The following UBE2E1 variants were observed in gnomAD, a reference collection of about 807,000 sequenced individuals.
The protein encoded by UBE2E1 is ubiquitin conjugating enzyme E2 E1.
A neutral mutation model predicts 21.4 loss-of-function variants in UBE2E1; 6 were observed. The ratio of observed to expected loss-of-function variants is 0.28; its 90% CI spans 0.15 to 0.55. UBE2E1 has a LOEUF of 0.55. Among genes scored for constraint, UBE2E1 ranks in the 20% least tolerant of loss-of-function variants. The probability of loss-of-function intolerance (pLI) is 0.93; values close to 1 mark genes in which losing one functional copy is unlikely to be tolerated. For synonymous variants in UBE2E1, 87 were observed against 82.7 expected, an observed-to-expected ratio of 1.05 and a Z score of -0.28; for missense variants, 142 against 236.5, an observed-to-expected ratio of 0.60 and a Z score of 2.62.
In UBE2E1 at chr3:23,863,481, A is replaced by G. The variant is rs1006249367; in HGVS notation, c.204-24086A>G. On this transcript the variant is annotated intron_variant, in intron 3 of 5. Transcript: ENST00000306627. The surrounding 1 kb of genome is among the most constrained non-coding windows in gnomAD (Gnocchi z 4.3). The stretch of plus-strand genomic sequence containing the variant: ...ACCCCAGATGCCTTCACAATTATCT[A>G]AAAGTCCTCAAAAGACATTCAGATG... 7.2e-5 allele frequency among the ~76,000 whole-genome samples: 11 copies of G among 152,278 alleles called. No individual in the cohort carries two copies. Among genetic ancestry groups the G allele is most frequent in the African/African-American group, 2.2e-4 (9 of 41,548 alleles).
At chr3:23,854,582 T>G (rs1700396974) in intron 3 of UBE2E1, among the ~76,000 whole-genome samples, 1 of 152,200 alleles carries the variant, frequency 6.6e-6, no homozygotes, top group Non-Finnish European at 1.5e-5. Context: ...GAGTCAGGTA[T>G]CTATACTTGT....
chr3:23,815,643 G>GTTTT (rs1699498821), intron 3 of UBE2E1, among the ~76,000 whole-genome samples: 1 of 152,166 alleles, frequency 6.6e-6, no homozygotes. Flanking sequence ...GGTTCACAAT[G>GTTTT]GAAAGAGATC....
chr3:23,807,527 A>G (rs879106394), intron 2 of UBE2E1, 106 bp downstream of exon 2: 2 of 1,379,812 alleles, frequency 1.4e-6, no homozygotes, highest in South Asian at 3.4e-5. Context: ...CTCATGGTTT[A>G]TGTGTTCTTA....
chr3:23,862,211 T>G (rs1700574293), intron 3 of UBE2E1, among the ~76,000 whole-genome samples: 2 of 152,052 alleles, frequency 1.3e-5, no homozygotes, highest in Admixed American at 1.3e-4. Context: ...TGCAAAGCTA[T>G]TAAAATCTGA....
chr3:23,879,770 A>G (rs1700995220), intron 3 of UBE2E1, among the ~76,000 whole-genome samples: 1 of 152,214 alleles, frequency 6.6e-6, no homozygotes, highest in Admixed American at 6.5e-5. Flanking sequence ...TAGCATGCTT[A>G]TCTTCCTATC....
intron 3 of UBE2E1, among the ~76,000 whole-genome samples, chr3:23,881,990 C>T (rs1027195937): frequency 6.6e-6 from 1 of 152,160 alleles, no homozygotes; most frequent in Non-Finnish European, 1.5e-5. Context: ...CGTGGTTTTG[C>T]TGGCCTCAGG....
chr3:23,829,290 A>G (rs1438422058), intron 3 of UBE2E1, among the ~76,000 whole-genome samples: 1 of 149,086 alleles, frequency 6.7e-6, no homozygotes, highest in Non-Finnish European at 1.5e-5. Flanking sequence ...CCTCCTAAGT[A>G]GCTGGGACAA....
intron 3 of UBE2E1, among the ~76,000 whole-genome samples, chr3:23,818,547 A>T (rs369775900): frequency 6.6e-6 from 1 of 152,286 alleles, no homozygotes; most frequent in African/African-American, 2.4e-5. Context: ...CTTCACCGTG[A>T]TTCCTCAGCA....
intron 3 of UBE2E1, among the ~76,000 whole-genome samples, chr3:23,845,577 C>CTG (rs1337437844): frequency 1.2e-4 from 7 of 58,906 alleles, no homozygotes; most frequent in Non-Finnish European, 2.3e-4. Flanking sequence ...CTCTCTCTCT[C>CTG]TCTCTCTCTC....
rs189228628 is a variant in UBE2E1 at position 23,871,028 on chromosome 3, A to T, written c.204-16539A>T. 5.2e-3 allele frequency among the ~76,000 whole-genome samples: 798 copies of T among 152,280 alleles called. 1 individual carries two copies. The highest frequency in any genetic ancestry group is 8.6e-3 in the Non-Finnish European group (583 of 68,012). On this transcript the variant is annotated intron_variant, in intron 3 of 5. Transcript: ENST00000306627. Reference sequence around the variant, plus strand: ...CAGATCAACAGGATCCCAAGGCAGAAGAATTTTTCTTAGTACAGAACAAAA... The same window carrying T: ...CAGATCAACAGGATCCCAAGGCAGATGAATTTTTCTTAGTACAGAACAAAA...
In UBE2E1 at chr3:23,847,994, T is replaced by C. The variant is rs1433870414; in HGVS notation, c.203+36484T>C. ...TACACCCCTTTCCCCTACCTCCTTT[T>C]TTAAATAAACACAAATGGTAACTTG... On this transcript the variant is annotated intron_variant, in intron 3 of 5. Coordinates refer to ENST00000306627, the MANE Select transcript of UBE2E1 (RefSeq NM_003341.5). Among the ~76,000 whole-genome samples, 5 of 152,230 alleles carry C rather than the reference T, an allele frequency of 3.3e-5. No homozygotes were observed. In the East Asian group the frequency reaches 9.6e-4, roughly 29 times the overall value.
chr3:23,854,701 C>G lies in UBE2E1; in HGVS notation c.204-32866C>G, dbSNP rs142877013. 7.2e-5 allele frequency among the ~76,000 whole-genome samples: 11 copies of G among 152,264 alleles called. No homozygotes were observed. In the South Asian group the frequency reaches 1.9e-3, roughly 26 times the overall value. ...GTCTTATTAATGGACAGTAAAAGGA[C>G]AATAACTTTTGTGTGTGCTCTTGGA... On this transcript the variant is annotated intron_variant, in intron 3 of 5. Transcript: ENST00000306627.
At position 23,813,833 on chromosome 3, in the gene UBE2E1, A is replaced by C. The variant is rs1372588366; in HGVS notation, c.203+2323A>C. Among the ~76,000 whole-genome samples, 2 of 152,298 alleles carry C rather than the reference A, an allele frequency of 1.3e-5. 1 individual carries two copies. Among genetic ancestry groups the C allele is most frequent in the African/African-American group, 4.8e-5 (2 of 41,560 alleles). ...TGGGGTTACGGGCGTGAGCCACTGCACCTGGCCTTGGGGATACTTTTTGAA... is the reference window on the plus strand; with the variant it reads ...TGGGGTTACGGGCGTGAGCCACTGCCCCTGGCCTTGGGGATACTTTTTGAA... On this transcript the variant is annotated intron_variant, in intron 3 of 5. Coordinates refer to ENST00000306627, the MANE Select transcript of UBE2E1 (RefSeq NM_003341.5).
chr3:23,891,525 A>C lies in UBE2E1; in HGVS notation c.*919A>C, dbSNP rs1701467030. ...ATAATCTACCCCATTTAGGCTTCAA[A>C]GACGAACCCTACTGCATCTTTTTAA... On this transcript the variant is annotated 3_prime_UTR_variant, in exon 6 of 6. Transcript: ENST00000306627. The C allele has an allele frequency of 6.6e-6, 1 of 152,230 alleles. No individual in the cohort carries two copies. Among genetic ancestry groups the C allele is most frequent in the Non-Finnish European group, 1.5e-5 (1 of 68,030 alleles). 9.4% of individuals were successfully genotyped at this position (152,230 alleles called of 1,614,324 possible). A position where few individuals can be genotyped will look rare whatever the true frequency, so the allele number is the denominator to read the frequency against.
At chr3:23,885,971 A>G (rs560936234) in intron 3 of UBE2E1, among the ~76,000 whole-genome samples, 17 of 152,204 alleles carry the variant, frequency 1.1e-4, no homozygotes, top group African/African-American at 1.2e-4. Context: ...CTGAGGTAGG[A>G]GGATTGCTTG....
intron 3 of UBE2E1, chr3:23,866,369 G>A (rs1435619987): frequency 6.6e-6 from 1 of 152,224 alleles, no homozygotes; most frequent in East Asian, 1.9e-4. Flanking sequence ...TTCAGTGCAG[G>A]TCATTCTAAT....
chr3:23,858,108 A>G (rs1190299031), intron 3 of UBE2E1, among the ~76,000 whole-genome samples: 1 of 152,172 alleles, frequency 6.6e-6, no homozygotes, highest in Non-Finnish European at 1.5e-5. Flanking sequence ...GTTAAACCTC[A>G]GGCGCTTTCC....
At chr3:23,844,077 T>G (rs1351128393) in intron 3 of UBE2E1, among the ~76,000 whole-genome samples, 1 of 152,142 alleles carries the variant, frequency 6.6e-6, no homozygotes, top group Non-Finnish European at 1.5e-5. Context: ...GTAAAAATAA[T>G]TTGTGGGAGA....
intron 3 of UBE2E1, among the ~76,000 whole-genome samples, chr3:23,847,622 G>A (rs1281729236): frequency 6.6e-6 from 1 of 150,852 alleles, no homozygotes; most frequent in African/African-American, 2.4e-5. Flanking sequence ...AGCCTCCCGA[G>A]TAGCTGGGAC....
Sources: allele counts gnomAD v4.1 joint callset (sites outside exome capture counted in the v4.1 genomes callset), GRCh38; gene constraint gnomAD v4.1.1; non-coding constraint Gnocchi (gnomAD v3.1); transcripts MANE v1.5; gene names NCBI Gene and HGNC (gene_info 2026-07-23, HGNC 2026-07-21).